The following SH3BGRL2 variants were observed in gnomAD, a reference collection of about 807,000 sequenced individuals.
SH3BGRL2 encodes SH3 domain-binding glutamic acid-rich-like protein 2.
A neutral mutation model predicts 14.8 loss-of-function variants in SH3BGRL2; 21 were observed. The observed-to-expected ratio is 1.42, with a 90% CI of 1.01 to 2.05. The LOEUF (loss-of-function observed/expected upper bound fraction) is 2.05, where lower values mean the gene tolerates loss of function less well. SH3BGRL2 is among the 30% of genes most tolerant of loss of function. The pLI, the probability that SH3BGRL2 is intolerant of heterozygous loss-of-function variation, is 0.00. For synonymous variants in SH3BGRL2, 50 were observed against 47.8 expected, an observed-to-expected ratio of 1.05 and a Z score of -0.19; for missense variants, 147 against 130.8, an observed-to-expected ratio of 1.12 and a Z score of -0.61.
Position 79,667,679 on chromosome 6 carries a change from T to A in SH3BGRL2, c.46-5935T>A, listed in dbSNP as rs568073661. Among the ~76,000 whole-genome samples the A allele has an allele frequency of 2.0e-5, 3 of 152,278 alleles. No individual in the cohort carries two copies. The South Asian group carries it at 6.2e-4, about 32-fold the overall frequency. ...CCAGGCTGGTCTCGAACTCCTGACC[T>A]CAGGTGATCTGTCCACCTCAGCCTC... On this transcript the variant is annotated intron_variant, in intron 1 of 3. Coordinates refer to ENST00000369838, the MANE Select transcript of SH3BGRL2 (RefSeq NM_031469.4).
chr6:79,556,449 A>G, the SH3BGRL2 span, among the ~76,000 whole-genome samples: 5 of 152,300 alleles, frequency 3.3e-5, no homozygotes, highest in South Asian at 2.1e-4. Context: ...AAAATTATCA[A>G]CATCAAAGCA....
chr6:79,558,432 C>A, the SH3BGRL2 span, among the ~76,000 whole-genome samples: 3 of 152,046 alleles, frequency 2.0e-5, no homozygotes, highest in Non-Finnish European at 4.4e-5. Flanking sequence ...TTTTAACATC[C>A]TTTTAGAAAG....
At chr6:79,595,577 A>G in the SH3BGRL2 span, among the ~76,000 whole-genome samples, 1 of 152,236 alleles carries the variant, frequency 6.6e-6, no homozygotes, top group African/African-American at 2.4e-5. Flanking sequence ...AATAAAAACC[A>G]TATGATCATT....
chr6:79,672,556 A>G (rs1769795345), intron 1 of SH3BGRL2, among the ~76,000 whole-genome samples: 1 of 152,090 alleles, frequency 6.6e-6, no homozygotes, highest in Non-Finnish European at 1.5e-5. Flanking sequence ...TTTAAGCTGC[A>G]TACTATTAAA....
chr6:79,676,457 C>T (rs1769883480), intron 2 of SH3BGRL2, among the ~76,000 whole-genome samples: 1 of 152,066 alleles, frequency 6.6e-6, no homozygotes, highest in Admixed American at 6.6e-5. Flanking sequence ...GAGCCCTACA[C>T]CTTGCTTCTT....
chr6:79,674,200 T>C (rs1769836327), intron 2 of SH3BGRL2, among the ~76,000 whole-genome samples: 1 of 152,148 alleles, frequency 6.6e-6, no homozygotes, highest in Non-Finnish European at 1.5e-5. Context: ...TAATACATTT[T>C]AGGGGGCAGA....
rs1582744256 is a variant in SH3BGRL2 at position 79,699,866 on chromosome 6, G to C, written c.*357G>C. On this transcript the variant is annotated 3_prime_UTR_variant, in exon 4 of 4. Coordinates refer to ENST00000369838, the MANE Select transcript of SH3BGRL2 (RefSeq NM_031469.4). ...CTAGGTTATAGTAGATGCCGGAATT[G>C]CGTAAACCCACTTCTCTTTAAGCTG... is the stretch of plus-strand genomic sequence containing the variant. The C allele has an allele frequency of 7.4e-6, 2 of 271,398 alleles. No individual in the cohort carries two copies. Among genetic ancestry groups the C allele is most frequent in the Non-Finnish European group, 1.4e-5 (2 of 147,024 alleles). 16.8% of individuals were successfully genotyped at this position (271,398 alleles called of 1,614,324 possible). A position where few individuals can be genotyped will look rare whatever the true frequency, so the allele number is the denominator to read the frequency against.
intron 3 of SH3BGRL2, among the ~76,000 whole-genome samples, chr6:79,698,010 T>C (rs766694629): frequency 1.3e-5 from 2 of 152,218 alleles, no homozygotes; most frequent in African/African-American, 2.4e-5. Context: ...CTATGAAATA[T>C]ACATTCTCAC....
At chr6:79,645,137 A>G (rs1769114387) in intron 1 of SH3BGRL2, among the ~76,000 whole-genome samples, 1 of 144,372 alleles carries the variant, frequency 6.9e-6, no homozygotes, top group African/African-American at 2.6e-5. Context: ...CACTCCAGAC[A>G]GAGTGAGAGT....
chr6:79,549,389 T>C, the SH3BGRL2 span, among the ~76,000 whole-genome samples: 1 of 152,206 alleles, frequency 6.6e-6, no homozygotes, highest in Non-Finnish European at 1.5e-5. Flanking sequence ...TGTAAACATA[T>C]AATGATGTTT....
At chr6:79,684,067 G>T (rs543541188) in intron 2 of SH3BGRL2, among the ~76,000 whole-genome samples, 1 of 152,144 alleles carries the variant, frequency 6.6e-6, no homozygotes, top group Admixed American at 6.5e-5. Context: ...GTTAGCCACA[G>T]GAGATTGTGC....
the SH3BGRL2 span, among the ~76,000 whole-genome samples, chr6:79,624,384 C>G: frequency 6.7e-6 from 1 of 150,362 alleles, no homozygotes; most frequent in African/African-American, 2.4e-5. Flanking sequence ...AATATATAAC[C>G]AAAAAAGATG....
At chr6:79,651,304 G>A (rs1475046044) in intron 1 of SH3BGRL2, among the ~76,000 whole-genome samples, 4 of 152,166 alleles carry the variant, frequency 2.6e-5, no homozygotes, top group East Asian at 1.9e-4. Context: ...CAGGAGGCAC[G>A]TGTATGAAGA....
At chr6:79,563,945 G>A in the SH3BGRL2 span, among the ~76,000 whole-genome samples, 1 of 152,316 alleles carries the variant, frequency 6.6e-6, no homozygotes, top group Middle Eastern at 3.4e-3. Context: ...GGCAGCTGAT[G>A]CTGAAGCTGG....
chr6:79,639,386 C>G (rs1156476718), intron 1 of SH3BGRL2, among the ~76,000 whole-genome samples: 3 of 152,044 alleles, frequency 2.0e-5, no homozygotes, highest in African/African-American at 7.3e-5. Flanking sequence ...CTCAGGAGCT[C>G]GAGACCAGCC....
rs58234438 is a variant in SH3BGRL2 at position 79,676,605 on chromosome 6, A to ATGTGTGTGTG, written c.231+2832_231+2841dup. On this transcript the variant is annotated intron_variant, in intron 2 of 3. Coordinates refer to ENST00000369838, the MANE Select transcript of SH3BGRL2 (RefSeq NM_031469.4). ...ATCTCCTAGCTTTATGTCTTTATGT[A>ATGTGTGTGTG]TGTGTGTGTGTGTGTGTGTGTGTGT... Among the ~76,000 whole-genome samples, 344 of 139,730 alleles carry ATGTGTGTGTG rather than the reference A, an allele frequency of 2.5e-3. 1 individual carries two copies. Among genetic ancestry groups the ATGTGTGTGTG allele is most frequent in the East Asian group, 9.0e-3 (41 of 4,544 alleles). 91.7% of individuals were successfully genotyped at this position (139,730 alleles called of 152,430 possible).
At chr6:79,611,404 C>CT in the SH3BGRL2 span, among the ~76,000 whole-genome samples, 10,297 of 123,684 alleles carry the variant, frequency 0.083, 872 homozygotes, top group African/African-American at 0.2. Context: ...CAGTATATAA[C>CT]TTTTTTTTTT....
chr6:79,561,589 A>C, the SH3BGRL2 span: 1 of 152,200 alleles, frequency 6.6e-6, no homozygotes, highest in East Asian at 1.9e-4. Context: ...AACTAAAATA[A>C]AGATTTTACT....
chr6:79,608,718 G>T, the SH3BGRL2 span, among the ~76,000 whole-genome samples: 1 of 152,134 alleles, frequency 6.6e-6, no homozygotes, highest in Non-Finnish European at 1.5e-5. Flanking sequence ...CTTCAACCCA[G>T]GAAGCTGGCT....
Sources: allele counts gnomAD v4.1 joint callset (sites outside exome capture counted in the v4.1 genomes callset), GRCh38; gene constraint gnomAD v4.1.1; transcripts MANE v1.5; gene names NCBI Gene and HGNC (gene_info 2026-07-23, HGNC 2026-07-21).